The following FHAD1 variants were observed in gnomAD, a reference collection of about 807,000 sequenced individuals.
FHAD1 encodes the protein forkhead-associated domain-containing protein 1.
In FHAD1, 146 loss-of-function variants were observed where a neutral mutation model predicts 191.3. That is an observed-to-expected ratio of 0.76 (90% CI 0.67 to 0.88). The LOEUF is 0.88. Among genes scored for constraint, FHAD1 ranks in the 40% least tolerant of loss-of-function variants. The pLI is 0.00. For synonymous variants in FHAD1, 616 were observed against 672.3 expected, an observed-to-expected ratio of 0.92 and a Z score of 1.29; for missense variants, 1,635 against 1,785.8, an observed-to-expected ratio of 0.92 and a Z score of 1.52.
chr1:15,345,111 G>A lies in FHAD1; in HGVS notation c.2159G>A (p.Arg720Lys), dbSNP rs1336583545. The A allele has an allele frequency of 3.2e-6, 5 of 1,551,866 alleles. No homozygotes were observed. Among genetic ancestry groups the A allele is most frequent in the Non-Finnish European group, 3.5e-6 (4 of 1,147,030 alleles). Residue 720 changes from arginine (R) to lysine (K), a missense_variant, in exon 17 of 34, where the codon AGA becomes AAA. Coordinates refer to ENST00000688493, the MANE Select transcript of FHAD1 (RefSeq NM_001391957.1). ...AALEEYITQERNRAKETLEEE... is the reference protein window; with the variant it reads ...AALEEYITQEKNRAKETLEEE... ...TTGGAGGAGTACATTACTCAAGAGA[G>A]AAACAGAGCGAAAGAGACTTTAGAG...
intron 2 of FHAD1, among the ~76,000 whole-genome samples, chr1:15,259,545 T>C (rs1183642635): frequency 6.6e-6 from 1 of 152,216 alleles, no homozygotes; most frequent in East Asian, 1.9e-4. Flanking sequence ...TGAAATTCCT[T>C]GTGAGTCAGT....
Position 15,312,337 on chromosome 1 carries a change from A to C in FHAD1, c.1040-720A>C, listed in dbSNP as rs1269766827. ...CTATGTTCTTTATACAACTCTGTAG[A>C]TACAATGAGAGGTTAAATAACTTCT... On this transcript the variant is annotated intron_variant, in intron 7 of 33. Transcript: ENST00000688493. This position sits in a 1 kb window ranked among gnomAD's most constrained non-coding sequence, Gnocchi z 4.7. 1 of 152,282 alleles carries C rather than the reference A, an allele frequency of 6.6e-6. No homozygotes were observed. Among genetic ancestry groups the C allele is most frequent in the Non-Finnish European group, 1.5e-5 (1 of 68,106 alleles). The allele number at this position is 152,282 out of a possible 1,614,324, so 9.4% of individuals were successfully genotyped here.
rs965873255 is a variant in FHAD1 at position 15,329,222 on chromosome 1, A to T, written c.1711-124A>T. 1.5e-5 allele frequency: 11 copies of T among 724,808 alleles called. No homozygotes were observed. Among genetic ancestry groups the T allele is most frequent in the Non-Finnish European group, 2.4e-5 (11 of 462,924 alleles). 44.9% of individuals were successfully genotyped at this position (724,808 alleles called of 1,614,324 possible). On this transcript the variant is annotated intron_variant, in intron 13 of 33. Coordinates refer to ENST00000688493, the MANE Select transcript of FHAD1 (RefSeq NM_001391957.1). This position sits in a 1 kb window ranked among gnomAD's most constrained non-coding sequence, Gnocchi z 5.0. ...AAAAGAAAAAAACTGAGTCCTCCCA[A>T]GGCGGCCAATACGTGGCGCTGCCTG... is the stretch of plus-strand genomic sequence containing the variant.
intron 26 of FHAD1, 81 bp downstream of exon 26, chr1:15,369,583 C>G: frequency 6.9e-7 from 1 of 1,456,390 alleles, no homozygotes; most frequent in South Asian, 1.3e-5. Flanking sequence ...TTTGAAGACA[C>G]TTTCATTCTA....
intron 6 of FHAD1, among the ~76,000 whole-genome samples, chr1:15,302,922 C>G (rs2100932349): frequency 6.6e-6 from 1 of 152,188 alleles, no homozygotes; most frequent in East Asian, 1.9e-4. Flanking sequence ...CTGGAAAAAG[C>G]CTAGGTTAGA....
chr1:15,397,030 A>G (rs2103220730), intron 33 of FHAD1, among the ~76,000 whole-genome samples: 1 of 149,882 alleles, frequency 6.7e-6, no homozygotes, highest in East Asian at 2.0e-4. Context: ...TAAAAAAAAA[A>G]AAAAAAAAAA....
At chr1:15,281,228 C>A (rs925099858) in intron 3 of FHAD1, among the ~76,000 whole-genome samples, 1 of 152,170 alleles carries the variant, frequency 6.6e-6, no homozygotes, top group African/African-American at 2.4e-5. Context: ...GCAGTCAGTT[C>A]CTGCTCTCTG....
Position 15,374,601 on chromosome 1 carries a change from A to T in FHAD1, c.3547A>T (p.Ile1183Phe). Reference protein sequence around the residue: ...KKALSELRARIKELEKARSPD... With the variant: ...KKALSELRARFKELEKARSPD... ...GGCCTTATCTGAACTTCGAGCGCGA[A>T]TTAAAGAACTCGAGAAGGCGCGCTC... is the stretch of plus-strand genomic sequence containing the variant. Residue 1183 changes from isoleucine to phenylalanine, a missense_variant, in exon 27 of 34, where the codon ATT (isoleucine) becomes TTT (phenylalanine). Transcript: ENST00000688493. 4 of 1,551,668 alleles carry T rather than the reference A, an allele frequency of 2.6e-6. No individual in the cohort carries two copies. The highest frequency in any genetic ancestry group is 3.5e-6 in the Non-Finnish European group (4 of 1,146,992).
intron 1 of FHAD1, among the ~76,000 whole-genome samples, chr1:15,240,598 T>G (rs1645229982): frequency 7.4e-6 from 1 of 136,030 alleles, no homozygotes; most frequent in South Asian, 2.3e-4. Context: ...ATCACTGCAC[T>G]CCCAGCCTGG....
intron 33 of FHAD1, among the ~76,000 whole-genome samples, chr1:15,394,068 C>A (rs1178115456): frequency 1.3e-5 from 2 of 152,202 alleles, no homozygotes; most frequent in African/African-American, 4.8e-5. Context: ...CGGCTTCTAC[C>A]CCTGCCTTTT....
At chr1:15,293,726 C>G (rs56352908) in intron 4 of FHAD1, among the ~76,000 whole-genome samples, 1 of 151,950 alleles carries the variant, frequency 6.6e-6, no homozygotes, top group African/African-American at 2.4e-5. Context: ...CTCAAAAAAC[C>G]AACAAACAAA....
At chr1:15,245,621 C>T (rs1008090218), upstream of FHAD1, among the ~76,000 whole-genome samples, 1 of 152,146 alleles carries the variant, frequency 6.6e-6, no homozygotes, top group Non-Finnish European at 1.5e-5. Context: ...GGTCCCAGCC[C>T]TTGTGGTCCC....
At chr1:15,346,235 G>A (rs561963724) in intron 18 of FHAD1, among the ~76,000 whole-genome samples, 90 of 152,300 alleles carry the variant, frequency 5.9e-4, no homozygotes, top group African/African-American at 2.1e-3. Context: ...GTCACAGACT[G>A]GTAGCTCAGC....
Position 15,289,672 on chromosome 1 carries a change from C to T in FHAD1, c.568+6C>T, listed in dbSNP as rs540048659. On this transcript the variant is annotated splice_donor_region_variant and intron_variant, in intron 4 of 33. Coordinates refer to ENST00000688493, the MANE Select transcript of FHAD1 (RefSeq NM_001391957.1). This position sits in a 1 kb window ranked among gnomAD's most constrained non-coding sequence, Gnocchi z 4.2. ...GCCACCCGTCATCAAGCAAGGTATGCGTCAGGGCTGCCATTGGTGGCTTGG... is the reference window on the plus strand; with the variant it reads ...GCCACCCGTCATCAAGCAAGGTATGTGTCAGGGCTGCCATTGGTGGCTTGG... 181 of 1,541,586 alleles carry T rather than the reference C, an allele frequency of 1.2e-4. 3 individuals carry two copies. The South Asian group carries it at 2.0e-3, about 17-fold the overall frequency.
intron 2 of FHAD1, among the ~76,000 whole-genome samples, chr1:15,259,765 C>T (rs1219291541): frequency 6.6e-6 from 1 of 152,160 alleles, no homozygotes; most frequent in East Asian, 1.9e-4. Flanking sequence ...GTGGATGACC[C>T]ACGAGGATCC....
At chr1:15,273,012 G>A (rs1023699155) in intron 3 of FHAD1, among the ~76,000 whole-genome samples, 7 of 152,006 alleles carry the variant, frequency 4.6e-5, no homozygotes, top group Admixed American at 2.6e-4. Flanking sequence ...ACACATAAGC[G>A]CCTGAAAAGC....
chr1:15,315,220 A>T (rs1157735588), intron 8 of FHAD1: 1 of 152,120 alleles, frequency 6.6e-6, no homozygotes, highest in African/African-American at 2.4e-5. Context: ...TTAAAGAGAG[A>T]AGAGAAATGC....
At chr1:15,374,882 A>C (rs1699178867) in intron 27 of FHAD1, among the ~76,000 whole-genome samples, 1 of 142,920 alleles carries the variant, frequency 7.0e-6, no homozygotes. Flanking sequence ...TTTTTGAGAC[A>C]GAGTCTCGCT....
In FHAD1 at chr1:15,290,444, CCTT is replaced by C. The variant is rs1465890279; in HGVS notation, c.568+780_568+782del. ...TGTCCTCTTTGTCCCAGCCCCAGGC[CCTT>C]CGGAGTCCCCAGACATCTCCCAGCG... On this transcript the variant is annotated intron_variant, in intron 4 of 33. Coordinates refer to ENST00000688493, the MANE Select transcript of FHAD1 (RefSeq NM_001391957.1). 2.0e-5 allele frequency among the ~76,000 whole-genome samples: 3 copies of C among 152,250 alleles called. No individual in the cohort carries two copies. The East Asian group carries it at 5.8e-4, about 29-fold the overall frequency.
Sources: gnomAD v4.1 joint callset for allele counts (sites outside exome capture counted in the v4.1 genomes callset) on GRCh38, gnomAD v4.1.1 for gene constraint, Gnocchi (gnomAD v3.1) non-coding constraint, MANE v1.5 for transcripts, NCBI Gene and HGNC (gene_info 2026-07-23, HGNC 2026-07-21) for gene names.